The following TBCD variants were observed in gnomAD, a reference collection of about 807,000 sequenced individuals.
TBCD encodes the protein tubulin folding cofactor D, also known as tubulin-specific chaperone D.
A neutral mutation model predicts 169.3 loss-of-function variants in TBCD; 105 were observed. The ratio of observed to expected loss-of-function variants is 0.62; its 90% CI spans 0.53 to 0.73. The LOEUF (loss-of-function observed/expected upper bound fraction) is 0.73. TBCD is among the 30% of genes least tolerant of loss of function. The pLI, the probability that TBCD is intolerant of heterozygous loss-of-function variation, is 0.00. For missense variants in TBCD, 1,444 were observed against 1,600.1 expected, an observed-to-expected ratio of 0.90 and a Z score of 1.66; for synonymous variants, 700 against 643.9, an observed-to-expected ratio of 1.09 and a Z score of -1.32.
chr17:82,926,484 A>T lies in TBCD; in HGVS notation c.2464A>T (p.Ile822Phe). 1 of 1,613,818 alleles carries T rather than the reference A, an allele frequency of 6.2e-7. No individual in the cohort carries two copies. Among genetic ancestry groups the T allele is most frequent in the Non-Finnish European group, 8.5e-7 (1 of 1,179,804 alleles). ...AESRRDGLKAIARICQTVGVK... is the reference protein window; with the variant it reads ...AESRRDGLKAFARICQTVGVK... ...GTCCAGGAGAGACGGCTTGAAGGCC[A>T]TTGCGAGGTGAGTCCCAACAGTTCC... is the stretch of plus-strand genomic sequence containing the variant. The change falls in exon 28 of 39, where the codon ATT (isoleucine) becomes TTT (phenylalanine). Residue 822 changes from isoleucine (I) to phenylalanine (F), a missense_variant. Physicochemically the swap from Ile to Phe is conservative, Grantham distance 21. Transcript: ENST00000355528.
At chr17:82,808,093 G>T (rs1468107502) in intron 11 of TBCD, among the ~76,000 whole-genome samples, 2 of 152,178 alleles carry the variant, frequency 1.3e-5, no homozygotes, top group Non-Finnish European at 2.9e-5. Flanking sequence ...ATACCTGTGG[G>T]AGTCGACATG....
intron 11 of TBCD, 24 bp from the exon 12 acceptor site, chr17:82,809,684 C>T (rs751762209): frequency 2.2e-5 from 36 of 1,609,666 alleles, no homozygotes; most frequent in South Asian, 3.3e-5. Context: ...GTGCCCCTGA[C>T]GGATTGCTGC....
At chr17:82,863,722 C>T (rs557662589) in intron 13 of TBCD, among the ~76,000 whole-genome samples, 2 of 152,140 alleles carry the variant, frequency 1.3e-5, no homozygotes, top group Admixed American at 6.5e-5. Context: ...TAAGCCTCCT[C>T]GGGAAGCAGC....
At position 82,883,176 on chromosome 17, in the gene TBCD, C is replaced by A. The variant is rs138102806; in HGVS notation, c.1476-969C>A. Among the ~76,000 whole-genome samples the A allele has an allele frequency of 5.2e-3, 792 of 152,388 alleles. 6 individuals are homozygous for A. Among genetic ancestry groups the A allele is most frequent in the African/African-American group, 0.016 (675 of 41,594 alleles). ...CCGCCCCACGGCTCAGGTCTGTCAACTTCCCTGGAACAAGGCAGAGCACTT... is the reference window on the plus strand; with the variant it reads ...CCGCCCCACGGCTCAGGTCTGTCAAATTCCCTGGAACAAGGCAGAGCACTT... On this transcript the variant is annotated intron_variant, in intron 14 of 38. Coordinates refer to ENST00000355528, the MANE Select transcript of TBCD (RefSeq NM_005993.5).
intron 34 of TBCD, among the ~76,000 whole-genome samples, chr17:82,935,073 A>AATTT (rs112454895): frequency 6.0e-5 from 9 of 151,200 alleles, no homozygotes; most frequent in East Asian, 2.0e-4. Flanking sequence ...CAAAAAAAAA[A>AATTT]TTTTTTTTCC....
Position 82,936,618 on chromosome 17 carries a change from G to C in TBCD, c.3192-653G>C, listed in dbSNP as rs556720051. 8.5e-5 allele frequency among the ~76,000 whole-genome samples: 13 copies of C among 152,320 alleles called. 1 individual carries two copies. In the South Asian group the frequency reaches 1.5e-3, roughly 17 times the overall value. ...GCCTTTTCTGGGCACCTGAGGAGAG[G>C]GTAGCAGCAGCCTGGGGTCTCCTTG... On this transcript the variant is annotated intron_variant, in intron 34 of 38. Coordinates refer to ENST00000355528, the MANE Select transcript of TBCD (RefSeq NM_005993.5).
intron 13 of TBCD, among the ~76,000 whole-genome samples, chr17:82,863,604 G>A (rs2145848561): frequency 6.6e-6 from 1 of 152,274 alleles, no homozygotes; most frequent in Non-Finnish European, 1.5e-5. Flanking sequence ...GTTAGTGCTC[G>A]GGACGCAGCC....
chr17:82,766,468 A>AT (rs2048022626), intron 4 of TBCD, 100 bp downstream of exon 4: 2 of 692,852 alleles, frequency 2.9e-6, no homozygotes, highest in Non-Finnish European at 4.9e-6. Context: ...TGTTTCTTTC[A>AT]TTTTATCTCC....
chr17:82,867,366 G>A (rs994300223), intron 13 of TBCD, among the ~76,000 whole-genome samples: 13 of 152,240 alleles, frequency 8.5e-5, no homozygotes, highest in African/African-American at 3.1e-4. Flanking sequence ...TTTGCACCCA[G>A]ATGCCCGAGG....
At chr17:82,912,052 A>G (rs1433991870) in intron 23 of TBCD, among the ~76,000 whole-genome samples, 1 of 152,096 alleles carries the variant, frequency 6.6e-6, no homozygotes, top group Non-Finnish European at 1.5e-5. Flanking sequence ...GGTTCTGGAA[A>G]TTTCTCAGGA....
chr17:82,777,450 A>G lies in TBCD; in HGVS notation c.639-4139A>G, dbSNP rs112516807. ...GAGACCGGTAGCGGCCCCGAATGCC[A>G]GGCTGCACTGATATTATTGGATACA... On this transcript the variant is annotated intron_variant, in intron 6 of 38. Transcript: ENST00000355528. Among the ~76,000 whole-genome samples the G allele has an allele frequency of 1.5e-3, 224 of 152,336 alleles. 2 individuals carry two copies. In the Middle Eastern group the frequency reaches 0.034, roughly 23 times the overall value.
chr17:82,780,400 C>T (rs181804609), intron 6 of TBCD, among the ~76,000 whole-genome samples: 1 of 152,162 alleles, frequency 6.6e-6, no homozygotes, highest in Admixed American at 6.5e-5. Context: ...GTGGCAGTGC[C>T]AGTCTCGATC....
At chr17:82,766,208 C>G (rs2048008593) in intron 3 of TBCD, 59 bp from the exon 4 acceptor site, 27 of 1,431,142 alleles carry the variant, frequency 1.9e-5, no homozygotes, top group Non-Finnish European at 2.6e-5. Flanking sequence ...GGTAGAAAGG[C>G]AATTTTGCTG....
intron 37 of TBCD, among the ~76,000 whole-genome samples, chr17:82,940,404 C>T (rs2063080422): frequency 6.6e-6 from 1 of 152,102 alleles, no homozygotes; most frequent in South Asian, 2.1e-4. Flanking sequence ...GTGAGGGCCT[C>T]CGTGCTGATC....
intron 13 of TBCD, among the ~76,000 whole-genome samples, chr17:82,857,580 TG>T (rs1024644815): frequency 2.0e-5 from 3 of 152,152 alleles, no homozygotes; most frequent in African/African-American, 4.8e-5. Flanking sequence ...AAAAGTATTT[TG>T]TTTTTTTGTT....
chr17:82,938,199 A>C (rs886836202), intron 36 of TBCD, 63 bp downstream of exon 36: 17 of 1,526,692 alleles, frequency 1.1e-5, no homozygotes, highest in South Asian at 1.2e-5. Context: ...AGTGACAAGA[A>C]GGCCTTCGCT....
At chr17:82,882,345 C>T (rs1009147338) in intron 14 of TBCD, among the ~76,000 whole-genome samples, 1 of 152,208 alleles carries the variant, frequency 6.6e-6, no homozygotes, top group Non-Finnish European at 1.5e-5. Context: ...GTTGGACATG[C>T]TGGAGGAGAC....
intron 15 of TBCD, among the ~76,000 whole-genome samples, chr17:82,887,168 T>TGTGTGCGCGCGCGCGCGC: frequency 4.7e-4 from 59 of 126,184 alleles, no homozygotes; most frequent in Admixed American, 1.6e-3. Flanking sequence ...TGTGTGTGTG[T>TGTGTGCGCGCGCGCGCGC]GCGCGCGCGC....
At chr17:82,863,483 G>A (rs1304410019) in intron 13 of TBCD, among the ~76,000 whole-genome samples, 1 of 152,194 alleles carries the variant, frequency 6.6e-6, no homozygotes, top group African/African-American at 2.4e-5. Flanking sequence ...CTGTGTTCTT[G>A]GAGAAAGAAT....
Sources: gnomAD v4.1 joint callset for allele counts (sites outside exome capture counted in the v4.1 genomes callset) on GRCh38, gnomAD v4.1.1 for gene constraint, MANE v1.5 for transcripts, NCBI Gene and HGNC (gene_info 2026-07-23, HGNC 2026-07-21) for gene names.